CLSTN3: variants seen among roughly 807,000 people sequenced by gnomAD.
CLSTN3 encodes the protein calsyntenin 3.
A neutral mutation model predicts 95.9 loss-of-function variants in CLSTN3; 36 were observed. The ratio of observed to expected loss-of-function variants is 0.38; its 90% CI spans 0.29 to 0.50. The LOEUF (loss-of-function observed/expected upper bound fraction) is 0.50, where lower values mean the gene tolerates loss of function less well. CLSTN3 is among the 20% of genes least tolerant of loss of function. The pLI is 0.95. For missense variants in CLSTN3, 1,084 were observed against 1,268.8 expected (o/e 0.85, Z 2.21); for synonymous variants, 481 against 504.0 (o/e 0.95, Z 0.61).
At chr12:7,147,447 G>A in intron 12 of CLSTN3, among the ~76,000 whole-genome samples, 1 of 141,806 alleles carries the variant, frequency 7.1e-6, no homozygotes, top group Admixed American at 7.2e-5. Context: ...GGAAGGAGAA[G>A]AATGATTTAA....
chr12:7,142,022 C>G (rs1939533914), intron 9 of CLSTN3, 64 bp from the exon 10 acceptor site: 2 of 1,303,360 alleles, frequency 1.5e-6, no homozygotes, highest in South Asian at 1.3e-5. Flanking sequence ...TCTCATTCCT[C>G]TCTGTCAATC....
chr12:7,132,897 G>A (rs1252000476), intron 1 of CLSTN3, 127 bp from the exon 2 acceptor site: 2 of 1,281,482 alleles, frequency 1.6e-6, no homozygotes, highest in East Asian at 2.4e-5. Flanking sequence ...CTCCTGTAAG[G>A]TGCTCCTATA....
upstream of CLSTN3, chr12:7,129,855 C>T (rs886085112): frequency 1.0e-6 from 1 of 972,926 alleles, no homozygotes. This position sits in a 1 kb window ranked among gnomAD's most constrained non-coding sequence, Gnocchi z 5.5. Context: ...GCACGACGTC[C>T]TGCCCCTCCT....
chr12:7,130,680 C>T lies in CLSTN3; in HGVS notation c.32C>T (p.Ala11Val). 6.3e-7 allele frequency: 1 copy of T among 1,574,998 alleles called. No homozygotes were observed. The highest frequency in any genetic ancestry group is 1.3e-5 in the African/African-American group (1 of 74,358). Residue 11 changes from alanine to valine, a missense_variant, in exon 1 of 18, where the codon GCC becomes GTC. Coordinates refer to ENST00000266546, the MANE Select transcript of CLSTN3 (RefSeq NM_014718.4). ...CTCCTGCTGCTGCCCCTTCTGCTGG[C>T]CTCTCTGCTCGCGTCCTGCTCCTGT... MTLLLLPLLLASLLASCSCNK... is the reference protein window; with the variant it reads MTLLLLPLLLVSLLASCSCNK...
chr12:7,135,278 C>A, intron 3 of CLSTN3, 49 bp from the exon 4 acceptor site: 4 of 1,569,114 alleles, frequency 2.5e-6, no homozygotes, highest in East Asian at 2.2e-5. Context: ...TGTATAATGT[C>A]GAGGCTGGCT....
At chr12:7,151,300 GCAGTCATAAAGT>G in intron 16 of CLSTN3, 1 of 465,528 alleles carries the variant, frequency 2.1e-6, no homozygotes, top group Non-Finnish European at 3.7e-6. Flanking sequence ...GCTTATGCCT[GCAGTCATAAAGT>G]CAGTGTGGGT....
Position 7,135,493 on chromosome 12 carries a change from G to A in CLSTN3, c.550G>A (p.Glu184Lys), listed in dbSNP as rs1262922234. ...CCAGTACAGCCAGATCTGCTACTATGAGATTCTCACACCCAACACCCCTTT... is the reference window on the plus strand; with the variant it reads ...CCAGTACAGCCAGATCTGCTACTATAAGATTCTCACACCCAACACCCCTTT... The part of the protein sequence containing the change: ...SPQYSQICYY[E>K]ILTPNTPFLI... Residue 184 changes from glutamate (E) to lysine (K), a missense_variant, in exon 4 of 18, where the codon GAG (glutamate) becomes AAG (lysine). Glu to Lys is a moderately conservative substitution (Grantham distance 56, BLOSUM62 1). Transcript: ENST00000266546. The A allele has an allele frequency of 1.2e-6, 2 of 1,614,122 alleles. No homozygotes were observed. The highest frequency in any genetic ancestry group is 1.7e-5 in the Admixed American group (1 of 60,004).
Position 7,148,954 on chromosome 12 carries a change from T to A in CLSTN3, c.1848-18T>A. 6.2e-7 allele frequency: 1 copy of A among 1,608,958 alleles called. No individual in the cohort carries two copies. The highest frequency in any genetic ancestry group is 8.5e-7 in the Non-Finnish European group (1 of 1,175,600). The stretch of plus-strand genomic sequence containing the variant: ...AAGTGTTGGGGTCACATGCTGCTTC[T>A]CCTGCTTTCTTACATAGGTGCTTCA... On this transcript the variant is annotated intron_variant, in intron 12 of 17. Coordinates refer to ENST00000266546, the MANE Select transcript of CLSTN3 (RefSeq NM_014718.4).
chr12:7,135,618 C>A, intron 4 of CLSTN3, 83 bp downstream of exon 4: 1 of 1,471,110 alleles, frequency 6.8e-7, no homozygotes, highest in East Asian at 2.3e-5. Context: ...TTGCATTCTC[C>A]ACTTTTGCCC....
Position 7,136,943 on chromosome 12 carries a change from G to A in CLSTN3, c.1043G>A (p.Gly348Asp). 4 of 1,614,146 alleles carry A rather than the reference G, an allele frequency of 2.5e-6. No individual in the cohort carries two copies. Among genetic ancestry groups the A allele is most frequent in the Non-Finnish European group, 3.4e-6 (4 of 1,180,016 alleles). ...QDSSLIYWFN[G>D]TQAVQVPLGG... ...AGCAGCCTGATCTACTGGTTCAATGGCACCCAGGCTGTGCAGGTGCCCCTG... is the reference window on the plus strand; with the variant it reads ...AGCAGCCTGATCTACTGGTTCAATGACACCCAGGCTGTGCAGGTGCCCCTG... Residue 348 changes from glycine to aspartate, a missense_variant, in exon 7 of 18, where the codon GGC (glycine) becomes GAC (aspartate). By Grantham distance (94) the Gly-to-Asp change is moderately conservative (BLOSUM62 -1). Transcript: ENST00000266546.
chr12:7,137,990 G>T lies in CLSTN3; in HGVS notation c.1246G>T (p.Gly416Cys). Residue 416 changes from glycine (G) to cysteine (C), a missense_variant, in exon 8 of 18, where the codon GGC becomes TGC. Transcript: ENST00000266546. The surrounding 1 kb of genome is among the most constrained non-coding windows in gnomAD (Gnocchi z 4.4). ...CTCTCACTACTCGCTGACTGTCCAC[G>T]GCTGTAGGATTGCCTTCCTCTACTG... is the stretch of plus-strand genomic sequence containing the variant. ...GFSHYSLTVHGCRIAFLYWPL... is the reference protein window; with the variant it reads ...GFSHYSLTVHCCRIAFLYWPL... 6.2e-7 allele frequency: 1 copy of T among 1,613,884 alleles called. No individual in the cohort carries two copies. The highest frequency in any genetic ancestry group is 8.5e-7 in the Non-Finnish European group (1 of 1,179,958).
intron 16 of CLSTN3, among the ~76,000 whole-genome samples, chr12:7,152,058 GA>G (rs779248525): frequency 0.01 from 704 of 67,898 alleles, 4 homozygotes; most frequent in South Asian, 0.027. Flanking sequence ...TGTCTCAAAG[GA>G]AAAAAAAAAA....
intron 3 of CLSTN3, among the ~76,000 whole-genome samples, chr12:7,134,880 CCTTT>C (rs2135795961): frequency 6.6e-6 from 1 of 152,290 alleles, no homozygotes; most frequent in Non-Finnish European, 1.5e-5. Flanking sequence ...CATCAGTCCT[CCTTT>C]CTTTGGGCCC....
intron 16 of CLSTN3, chr12:7,156,759 C>G (rs765859626): frequency 4.4e-5 from 20 of 456,566 alleles, no homozygotes; most frequent in African/African-American, 3.6e-4. Flanking sequence ...AAGGTCCATG[C>G]CCCTCTGAGC....
At chr12:7,136,043 T>C (rs1939408046) in intron 5 of CLSTN3, 90 bp downstream of exon 5, 1 of 1,527,178 alleles carries the variant, frequency 6.5e-7, no homozygotes, top group Non-Finnish European at 8.8e-7. Flanking sequence ...GGGGCCAGGC[T>C]AGGGCTTGGA....
rs1939567980 is a variant in CLSTN3, at chr12:7,143,435, C to A, written c.1847+124C>A. The A allele has an allele frequency of 4.6e-6, 5 of 1,095,470 alleles. No individual in the cohort carries two copies. The South Asian group carries it at 7.9e-5, about 17-fold the overall frequency. 67.9% of individuals were successfully genotyped at this position (1,095,470 alleles called of 1,614,324 possible). ...TGTTTTATGGATGAGGAGATTGGGCCCTCAAATGGAGACAATTGACCACTG... is the reference window on the plus strand; with the variant it reads ...TGTTTTATGGATGAGGAGATTGGGCACTCAAATGGAGACAATTGACCACTG... On this transcript the variant is annotated intron_variant, in intron 12 of 17. Coordinates refer to ENST00000266546, the MANE Select transcript of CLSTN3 (RefSeq NM_014718.4).
Position 7,142,077 on chromosome 12 carries a change from T to A in CLSTN3, c.1487-9T>A, listed in dbSNP as rs759173638. 52 of 1,519,654 alleles carry A rather than the reference T, an allele frequency of 3.4e-5. 1 individual carries two copies. Among genetic ancestry groups the A allele is most frequent in the South Asian group, 1.7e-4 (14 of 82,524 alleles). 94.1% of individuals were successfully genotyped at this position (1,519,654 alleles called of 1,614,324 possible). Reference sequence around the variant, plus strand: ...ACCAGCACTGTTTTTTTTTTTTTTTTATCCCCAGAGGAGAAGAACAAAGAG... The same window carrying A: ...ACCAGCACTGTTTTTTTTTTTTTTTAATCCCCAGAGGAGAAGAACAAAGAG... On this transcript the variant is annotated splice_polypyrimidine_tract_variant and intron_variant, in intron 9 of 17. Transcript: ENST00000266546.
In CLSTN3 at chr12:7,136,831, G is replaced by A; in HGVS notation, c.931G>A (p.Ala311Thr). ...TGTGCCTCCTGGGGCTCCCACAGGT[G>A]CTGCCACTGGGGAGGTGGATCTGTT... ...SERALRKLCGAATGEVDLLPM... is the reference protein window; with the variant it reads ...SERALRKLCGTATGEVDLLPM... The change falls in exon 7 of 18, where the codon GCT (alanine) becomes ACT (threonine). Residue 311 changes from alanine (A) to threonine (T), a missense_variant and splice_region_variant. Ala to Thr is a moderately conservative substitution (Grantham distance 58). Coordinates refer to ENST00000266546, the MANE Select transcript of CLSTN3 (RefSeq NM_014718.4). 1 of 1,613,404 alleles carries A rather than the reference G, an allele frequency of 6.2e-7. No individual in the cohort carries two copies.
intron 12 of CLSTN3, among the ~76,000 whole-genome samples, chr12:7,146,631 C>T (rs774039311): frequency 6.6e-6 from 1 of 152,296 alleles, no homozygotes; most frequent in Admixed American, 6.5e-5. Flanking sequence ...CTAGGCAGAA[C>T]TAACCTCTCC....
Sources: allele counts gnomAD v4.1 joint callset (sites outside exome capture counted in the v4.1 genomes callset), GRCh38; gene constraint gnomAD v4.1.1; non-coding constraint Gnocchi (gnomAD v3.1); transcripts MANE v1.5; gene names NCBI Gene and HGNC (gene_info 2026-07-23, HGNC 2026-07-21).